The following DHX35 variants were observed in gnomAD, a reference collection of about 807,000 sequenced individuals.
DHX35 encodes probable ATP-dependent RNA helicase DHX35.
In DHX35, 84 loss-of-function variants were observed where a neutral mutation model predicts 99.6. The ratio of observed to expected loss-of-function variants is 0.84; its 90% confidence interval spans 0.71 to 1.01. The LOEUF is 1.01. Among genes scored for constraint, DHX35 ranks in the 50% least tolerant of loss-of-function variants. The pLI is 0.00. For synonymous variants in DHX35, 331 were observed against 316.2 expected (o/e 1.05, Z -0.50); for missense variants, 852 against 888.5 (o/e 0.96, Z 0.52).
intron 11 of DHX35, among the ~76,000 whole-genome samples, 180 bp from the exon 12 acceptor site, chr20:39,005,966 A>C (rs1299073642): frequency 6.6e-6 from 1 of 152,190 alleles, no homozygotes; most frequent in Non-Finnish European, 1.5e-5. Context: ...TCACATGATT[A>C]GGGAGAATTC....
At position 39,028,515 on chromosome 20, in the gene DHX35, G is replaced by A. The variant is rs772924515; in HGVS notation, c.1883+16G>A. On this transcript the variant is annotated intron_variant, in intron 19 of 21. Transcript: ENST00000252011. ...GAGCTTATAGGTAACATGATACTTGGTGAAGTCATTTGTTAAAGGAACAAT... is the reference window on the plus strand; with the variant it reads ...GAGCTTATAGGTAACATGATACTTGATGAAGTCATTTGTTAAAGGAACAAT... 1.2e-6 allele frequency: 2 copies of A among 1,613,442 alleles called. No homozygotes were observed. Among genetic ancestry groups the A allele is most frequent in the East Asian group, 2.2e-5 (1 of 44,876 alleles).
intron 4 of DHX35, among the ~76,000 whole-genome samples, chr20:38,986,011 A>G (rs955684312): frequency 1.3e-5 from 2 of 152,210 alleles, no homozygotes; most frequent in African/African-American, 4.8e-5. Context: ...CTTCAAGACC[A>G]GGTAGGTCCT....
chr20:39,034,590 ATT>A (rs58827630), intron 21 of DHX35, among the ~76,000 whole-genome samples: 11,843 of 136,188 alleles, frequency 0.087, 448 homozygotes, highest in Middle Eastern at 0.12. Context: ...CTTCCAAACT[ATT>A]TTTTTTTTTT....
chr20:39,018,821 C>A lies in DHX35; in HGVS notation c.1420C>A (p.Arg474Ser), dbSNP rs772571098. The A allele has an allele frequency of 1.2e-6, 2 of 1,613,834 alleles. No individual in the cohort carries two copies. The highest frequency in any genetic ancestry group is 1.7e-5 in the Admixed American group (1 of 60,012). ...TATGGCAGGTCTGGACAAAGACTGT[C>A]GCCTAACTGAACCGCTTGGCATGAG... ...YALGGLDKDC[R>S]LTEPLGMRIA... The change falls in exon 15 of 22, where the codon CGC becomes AGC. Residue 474 changes from arginine (R) to serine (S), a missense_variant. By Grantham distance (110) the Arg-to-Ser change is moderately radical (BLOSUM62 -1). Coordinates refer to ENST00000252011, the MANE Select transcript of DHX35 (RefSeq NM_021931.4).
chr20:39,011,599 C>T (rs972521380), intron 13 of DHX35, among the ~76,000 whole-genome samples: 1 of 152,194 alleles, frequency 6.6e-6, no homozygotes, highest in Non-Finnish European at 1.5e-5. Flanking sequence ...TCTGGGCCTC[C>T]CGAAGTGCTA....
At chr20:38,968,409 A>G (rs1363168817) in intron 1 of DHX35, among the ~76,000 whole-genome samples, 1 of 152,162 alleles carries the variant, frequency 6.6e-6, no homozygotes, top group African/African-American at 2.4e-5. Flanking sequence ...ACCTCAGCTA[A>G]TTCCCACTGG....
chr20:38,985,072 C>A (rs777590635), intron 4 of DHX35, among the ~76,000 whole-genome samples: 2 of 152,014 alleles, frequency 1.3e-5, no homozygotes, highest in Non-Finnish European at 2.9e-5. Context: ...TGTTTGAATT[C>A]TTTTGTTGTT....
At chr20:39,015,764 G>A (rs1023441282) in intron 14 of DHX35, among the ~76,000 whole-genome samples, 6 of 152,022 alleles carry the variant, frequency 3.9e-5, no homozygotes, top group Non-Finnish European at 8.8e-5. Flanking sequence ...TCAGGGTTGT[G>A]CAACCATCAC....
chr20:39,014,170 A>G (rs1306050950), intron 13 of DHX35, among the ~76,000 whole-genome samples: 1 of 152,250 alleles, frequency 6.6e-6, no homozygotes, highest in African/African-American at 2.4e-5. Context: ...ATGCAGTTTA[A>G]AAATGTACTG....
At chr20:39,035,979 AT>A (rs1374659508) in intron 21 of DHX35, among the ~76,000 whole-genome samples, 1 of 152,238 alleles carries the variant, frequency 6.6e-6, no homozygotes, top group African/African-American at 2.4e-5. Flanking sequence ...TCTTTGCTGA[AT>A]TAGGTTGATA....
At chr20:38,996,453 G>T (rs1415153505) in intron 8 of DHX35, among the ~76,000 whole-genome samples, 1 of 152,234 alleles carries the variant, frequency 6.6e-6, no homozygotes, top group Non-Finnish European at 1.5e-5. Flanking sequence ...GGCTCAGCCA[G>T]AGAGGATGAA....
At chr20:39,019,264 C>T (rs2145927284) in intron 15 of DHX35, among the ~76,000 whole-genome samples, 1 of 152,314 alleles carries the variant, frequency 6.6e-6, no homozygotes, top group African/African-American at 2.4e-5. Context: ...TGCAATCACA[C>T]AGTATTTGTC....
intron 1 of DHX35, among the ~76,000 whole-genome samples, chr20:38,966,947 G>A (rs927620178): frequency 5.9e-5 from 9 of 152,174 alleles, no homozygotes; most frequent in Non-Finnish European, 1.3e-4. Flanking sequence ...CATTGTTCCA[G>A]GTCCTGTTCC....
intron 20 of DHX35, among the ~76,000 whole-genome samples, chr20:39,033,640 G>A (rs962735562): frequency 1.3e-5 from 2 of 152,112 alleles, no homozygotes; most frequent in Non-Finnish European, 2.9e-5. Context: ...CCTAAAATCA[G>A]GGGACTGGAT....
At chr20:39,022,463 A>G (rs958815495) in intron 16 of DHX35, among the ~76,000 whole-genome samples, 2 of 152,194 alleles carry the variant, frequency 1.3e-5, no homozygotes, top group African/African-American at 2.4e-5. Flanking sequence ...GCCTATTATC[A>G]TATTTTAAAG....
chr20:39,033,759 G>A (rs1826305382), intron 20 of DHX35, among the ~76,000 whole-genome samples: 1 of 152,184 alleles, frequency 6.6e-6, no homozygotes, highest in African/African-American at 2.4e-5. Context: ...TGACAAATGT[G>A]TATACCCATG....
At chr20:39,011,483 G>A in intron 13 of DHX35, among the ~76,000 whole-genome samples, 1 of 152,106 alleles carries the variant, frequency 6.6e-6, no homozygotes. Flanking sequence ...TTACAGGTGT[G>A]TGCCACCACG....
intron 2 of DHX35, among the ~76,000 whole-genome samples, chr20:38,969,594 A>G (rs6071630): frequency 6.3e-4 from 96 of 152,360 alleles, no homozygotes; most frequent in Middle Eastern, 3.4e-3. Context: ...CACTCCTTTA[A>G]ACAAGTTTAA....
chr20:38,974,489 A>G (rs2086047468), intron 3 of DHX35, among the ~76,000 whole-genome samples: 1 of 152,250 alleles, frequency 6.6e-6, no homozygotes, highest in African/African-American at 2.4e-5. Flanking sequence ...CAGTGCTAGT[A>G]TTAAATGTGA....
Sources: gnomAD v4.1 joint callset for allele counts (sites outside exome capture counted in the v4.1 genomes callset) on GRCh38, gnomAD v4.1.1 for gene constraint, MANE v1.5 for transcripts, NCBI Gene and HGNC (gene_info 2026-07-23, HGNC 2026-07-21) for gene names.